Variants in ABHD12 observed in about 807,000 individuals in gnomAD.
ABHD12 encodes the protein abhydrolase domain containing 12, lysophospholipase, also known as lysophosphatidylserine lipase ABHD12.
ABHD12 carries 43 observed loss-of-function variants against 58.3 expected under a neutral mutation model. That is an observed-to-expected ratio of 0.74 (90% CI 0.58 to 0.95). The LOEUF is 0.95. ABHD12 is among the 40% of genes least tolerant of loss of function. The probability of loss-of-function intolerance (pLI) is 0.00; values close to 1 mark genes in which losing one functional copy is unlikely to be tolerated. For synonymous variants in ABHD12, 219 were observed against 211.2 expected (o/e 1.04, Z -0.32); for missense variants, 539 against 537.2 (o/e 1.00, Z -0.03).
At chr20:25,352,424 G>C (rs2089613517) in intron 1 of ABHD12, among the ~76,000 whole-genome samples, 1 of 152,058 alleles carries the variant, frequency 6.6e-6, no homozygotes, top group South Asian at 2.1e-4. Context: ...AAGTAGCTGG[G>C]ACTACAGGCA....
intron 10 of ABHD12, among the ~76,000 whole-genome samples, chr20:25,304,531 G>T (rs1418736081): frequency 6.6e-6 from 1 of 152,218 alleles, no homozygotes; most frequent in East Asian, 1.9e-4. Context: ...GCCAAAGGCA[G>T]CTTCAGGGGC....
chr20:25,307,520 G>C (rs1321322905), intron 9 of ABHD12, among the ~76,000 whole-genome samples: 1 of 152,236 alleles, frequency 6.6e-6, no homozygotes, highest in East Asian at 1.9e-4. Flanking sequence ...AGGTTGGGTG[G>C]GGCCTGGCTT....
chr20:25,385,941 A>T lies in ABHD12; in HGVS notation c.191+4572T>A, dbSNP rs1249663850. Among the ~76,000 whole-genome samples, 3 of 151,832 alleles carry T rather than the reference A, an allele frequency of 2.0e-5. No homozygotes were observed. The East Asian group carries it at 5.9e-4, about 30-fold the overall frequency. ...GTGAAACCCCGTCTCTACTAAAAAAAATACAAAAAATTAGCCAGGTGTGTT... is the reference window on the plus strand; with the variant it reads ...GTGAAACCCCGTCTCTACTAAAAAATATACAAAAAATTAGCCAGGTGTGTT... On this transcript the variant is annotated intron_variant, in intron 1 of 12. Coordinates refer to ENST00000339157, the MANE Select transcript of ABHD12 (RefSeq NM_001042472.3).
At chr20:25,299,765 CGTGG>C (rs2088603933), downstream of ABHD12, among the ~76,000 whole-genome samples, 1 of 152,064 alleles carries the variant, frequency 6.6e-6, no homozygotes, top group South Asian at 2.1e-4. Flanking sequence ...TCTCTGGGGC[CGTGG>C]GTGGGTGGAA....
chr20:25,386,290 G>C (rs902673114), intron 1 of ABHD12, among the ~76,000 whole-genome samples: 2 of 140,430 alleles, frequency 1.4e-5, no homozygotes. Context: ...ATGGAGTCTT[G>C]CTCTGTCGCC....
intron 1 of ABHD12, among the ~76,000 whole-genome samples, chr20:25,345,824 C>G (rs1394892350): frequency 1.3e-5 from 2 of 152,312 alleles, no homozygotes; most frequent in Admixed American, 6.5e-5. Flanking sequence ...AATTCTCATT[C>G]ATTCCCAGTG....
At chr20:25,312,547 C>T (rs929738378) in intron 6 of ABHD12, among the ~76,000 whole-genome samples, 8 of 152,192 alleles carry the variant, frequency 5.3e-5, no homozygotes, top group Non-Finnish European at 8.8e-5. Context: ...ACCTCCCAGC[C>T]GCCTGCTTTG....
chr20:25,325,545 A>C (rs1160587435), intron 2 of ABHD12, among the ~76,000 whole-genome samples: 2 of 152,190 alleles, frequency 1.3e-5, no homozygotes, highest in Admixed American at 6.5e-5. Flanking sequence ...CAGAGGGAAG[A>C]CCATGAGAAG....
Position 25,390,619 on chromosome 20 carries a change from C to T in ABHD12, c.85G>A (p.Ala29Thr), listed in dbSNP as rs748440200. 34 of 1,461,468 alleles carry T rather than the reference C, an allele frequency of 2.3e-5. No individual in the cohort carries two copies. Among genetic ancestry groups the T allele is most frequent in the Non-Finnish European group, 2.9e-5 (32 of 1,112,256 alleles). The allele number at this position is 1,461,468 out of a possible 1,614,324, so 90.5% of individuals were successfully genotyped here. A position where few individuals can be genotyped will look rare whatever the true frequency, so the allele number is the denominator to read the frequency against. The change falls in exon 1 of 13, where the codon GCG becomes ACG. Residue 29 changes from alanine to threonine, a missense_variant. Physicochemically the swap from Ala to Thr is moderately conservative, Grantham distance 58 (BLOSUM62 0). Coordinates refer to ENST00000339157, the MANE Select transcript of ABHD12 (RefSeq NM_001042472.3). ...GSSSSGSAAA[A>T]LDADCRLKQN... Reference sequence around the variant, plus strand: ...TTCAGGCGGCAGTCGGCGTCCAGCGCCGCGGCGGCCGAGCCGGAGGAGGAC... The same window carrying T: ...TTCAGGCGGCAGTCGGCGTCCAGCGTCGCGGCGGCCGAGCCGGAGGAGGAC...
chr20:25,357,888 G>A, intron 1 of ABHD12, among the ~76,000 whole-genome samples: 1 of 152,160 alleles, frequency 6.6e-6, no homozygotes, highest in East Asian at 1.9e-4. Context: ...ACACGTGCTT[G>A]TAGTTCCAGT....
intron 3 of ABHD12, among the ~76,000 whole-genome samples, chr20:25,322,382 T>TATATATATATA (rs1491359839): frequency 1.8e-4 from 7 of 38,280 alleles, no homozygotes; most frequent in African/African-American, 6.6e-4. Flanking sequence ...TATATATATA[T>TATATATATATA]TTTTTTTTTT....
Position 25,320,270 on chromosome 20 carries a change from C to T in ABHD12, c.471G>A (p.Gln157=), listed in dbSNP as rs772087019. 3 of 1,614,168 alleles carry T rather than the reference C, an allele frequency of 1.9e-6. No individual in the cohort carries two copies. The highest frequency in any genetic ancestry group is 2.5e-6 in the Non-Finnish European group (3 of 1,180,044). The change falls in exon 4 of 13, where the codon CAG becomes CAA. Residue 157 remains glutamine, a synonymous_variant. Coordinates refer to ENST00000339157, the MANE Select transcript of ABHD12 (RefSeq NM_001042472.3). The part of the protein sequence containing the change: ...VWWKNAQGKD[Q]MWYEDALASS... ...AAGCCAAGGCATCCTCATACCACAT[C>T]TGGTCTTTGCCTTGGGCGTTCTTCC...
chr20:25,322,381 A>ATATATATATATATATATTT lies in ABHD12; in HGVS notation c.422+943_422+944insAAATATATATATATATATA. ...GGAAAAGATATATATATATATATAT[A>ATATATATATATATATATTT]TTTTTTTTTTTTTTTGAGACAAGAG... On this transcript the variant is annotated intron_variant, in intron 3 of 12. Transcript: ENST00000339157. 4.1e-3 allele frequency among the ~76,000 whole-genome samples: 243 copies of ATATATATATATATATATTT among 59,192 alleles called. 6 individuals are homozygous for ATATATATATATATATATTT. Among genetic ancestry groups the ATATATATATATATATATTT allele is most frequent in the African/African-American group, 0.019 (230 of 12,024 alleles). 38.8% of individuals were successfully genotyped at this position (59,192 alleles called of 152,430 possible). A position where few individuals can be genotyped will look rare whatever the true frequency, so the allele number is the denominator to read the frequency against.
At chr20:25,306,744 T>C in intron 10 of ABHD12, 89 bp downstream of exon 10, 2 of 914,760 alleles carry the variant, frequency 2.2e-6, no homozygotes, top group Non-Finnish European at 3.5e-6. Context: ...AATTCCATCC[T>C]ATTTGATTAC....
At chr20:25,380,970 T>C (rs2090015129) in intron 1 of ABHD12, among the ~76,000 whole-genome samples, 1 of 152,236 alleles carries the variant, frequency 6.6e-6, no homozygotes, top group Non-Finnish European at 1.5e-5. Flanking sequence ...ATTCTTCCTG[T>C]TGCTCAGAAA....
chr20:25,362,896 G>C (rs1321884554), intron 1 of ABHD12, among the ~76,000 whole-genome samples: 1 of 151,824 alleles, frequency 6.6e-6, no homozygotes, highest in Admixed American at 6.6e-5. Flanking sequence ...TACTCTCGAA[G>C]TCCCAACCTC....
intron 12 of ABHD12, 51 bp from the exon 13 acceptor site, chr20:25,300,935 C>T (rs2145914097): frequency 2.5e-6 from 4 of 1,581,640 alleles, no homozygotes; most frequent in Non-Finnish European, 3.5e-6. Flanking sequence ...GACCAAAGAT[C>T]CTTCTCCACA....
intron 3 of ABHD12, among the ~76,000 whole-genome samples, chr20:25,322,042 T>C (rs1424483702): frequency 1.3e-5 from 2 of 152,184 alleles, no homozygotes; most frequent in Non-Finnish European, 2.9e-5. Context: ...AGCGACGTTA[T>C]GGCTACTGAA....
chr20:25,322,382 T>TATATATATATATA (rs1491359839), intron 3 of ABHD12, among the ~76,000 whole-genome samples: 7 of 38,268 alleles, frequency 1.8e-4, no homozygotes, highest in Admixed American at 6.3e-4. Context: ...TATATATATA[T>TATATATATATATA]TTTTTTTTTT....
Sources: allele counts gnomAD v4.1 joint callset (sites outside exome capture counted in the v4.1 genomes callset), GRCh38; gene constraint gnomAD v4.1.1; transcripts MANE v1.5; gene names NCBI Gene and HGNC (gene_info 2026-07-23, HGNC 2026-07-21).